The following IFT140 variants were observed in gnomAD, a reference collection of about 807,000 sequenced individuals.
The protein encoded by IFT140 is intraflagellar transport 140, also known as intraflagellar transport protein 140 homolog.
In IFT140, 133 loss-of-function variants were observed where a neutral mutation model predicts 164.6. That is an observed-to-expected ratio of 0.81 (90% CI 0.70 to 0.93). The LOEUF (loss-of-function observed/expected upper bound fraction) is 0.93, where lower values mean the gene tolerates loss of function less well. Ranked by LOEUF, IFT140 falls within the 40% of genes least tolerant of loss-of-function variation. IFT140 has a pLI of 0.00. For missense variants in IFT140, 2,045 were observed against 1,972.3 expected (o/e 1.04, Z -0.70); for synonymous variants, 860 against 817.3 (o/e 1.05, Z -0.89).
intron 13 of IFT140, chr16:1,579,497 T>C (rs2034444052): frequency 6.6e-6 from 1 of 152,250 alleles, no homozygotes; most frequent in Non-Finnish European, 1.5e-5. Flanking sequence ...AGCACCTGGA[T>C]TGCAGACTTC....
In IFT140 at chr16:1,524,931, A is replaced by G; in HGVS notation, c.2865-15T>C. On this transcript the variant is annotated splice_polypyrimidine_tract_variant and intron_variant, in intron 22 of 30. Coordinates refer to ENST00000426508, the MANE Select transcript of IFT140 (RefSeq NM_014714.4). ...GCCACAGGGTCCTGCGGGCAGCCCA[A>G]GACCATGGATTCTCCACCCGAGCCC... The G allele has an allele frequency of 6.3e-7, 1 of 1,596,348 alleles. No homozygotes were observed. The highest frequency in any genetic ancestry group is 1.1e-5 in the South Asian group (1 of 90,710).
At chr16:1,537,268 C>T (rs1162433300) in intron 19 of IFT140, among the ~76,000 whole-genome samples, 4 of 152,266 alleles carry the variant, frequency 2.6e-5, no homozygotes, top group African/African-American at 9.6e-5. Context: ...CTCACGCACA[C>T]CAGGCCACCC....
At chr16:1,537,245 C>T (rs1476206696) in intron 19 of IFT140, among the ~76,000 whole-genome samples, 1 of 151,870 alleles carries the variant, frequency 6.6e-6, no homozygotes. Flanking sequence ...GACAACGCCA[C>T]ACCGCGTGCC....
chr16:1,567,353 A>G (rs1443612294), intron 15 of IFT140, among the ~76,000 whole-genome samples: 1 of 152,210 alleles, frequency 6.6e-6, no homozygotes, highest in Non-Finnish European at 1.5e-5. Flanking sequence ...CTTCACCACG[A>G]GTGCAGACCC....
At chr16:1,535,760 T>A (rs1388695753) in intron 19 of IFT140, among the ~76,000 whole-genome samples, 1 of 152,250 alleles carries the variant, frequency 6.6e-6, no homozygotes, top group Non-Finnish European at 1.5e-5. Context: ...GGCCCTCGGC[T>A]GCACCGCACA....
At chr16:1,556,029 C>T (rs534484919) in intron 19 of IFT140, among the ~76,000 whole-genome samples, 43 of 152,170 alleles carry the variant, frequency 2.8e-4, no homozygotes, top group Non-Finnish European at 5.3e-4. Context: ...TTGCTTGAAT[C>T]CGGGAGGTGG....
Position 1,526,754 on chromosome 16 carries a change from G to C in IFT140, c.2442C>G (p.Thr814=), listed in dbSNP as rs763946139. Residue 814 remains threonine (T), a synonymous_variant, in exon 20 of 31, where the codon ACC becomes ACG. Transcript: ENST00000426508. ...WENMARMCVK[T]QRLDVAKVCL... The stretch of plus-strand genomic sequence containing the variant: ...ACACCTTGGCCACGTCCAGCCGCTG[G>C]GTCTTCACGCACATGCGCGCCATGT... 3.7e-6 allele frequency: 6 copies of C among 1,610,478 alleles called. No homozygotes were observed. Among genetic ancestry groups the C allele is most frequent in the Admixed American group, 3.3e-5 (2 of 59,758 alleles).
chr16:1,518,455 G>T, intron 29 of IFT140, 98 bp from the exon 30 acceptor site: 2 of 1,197,724 alleles, frequency 1.7e-6, no homozygotes, highest in Non-Finnish European at 2.3e-6. Context: ...GGAGCTCTCC[G>T]GAATGGCAGG....
At chr16:1,596,272 C>G (rs2035459559) in intron 4 of IFT140, among the ~76,000 whole-genome samples, 1 of 152,006 alleles carries the variant, frequency 6.6e-6, no homozygotes, top group African/African-American at 2.4e-5. Context: ...TTTATGCACA[C>G]CACATCCTCA....
chr16:1,561,010 C>G (rs970990437), intron 18 of IFT140, among the ~76,000 whole-genome samples: 3 of 152,224 alleles, frequency 2.0e-5, no homozygotes, highest in African/African-American at 7.2e-5. Flanking sequence ...GCTGGTGGCC[C>G]CCTGCCTCCC....
intron 14 of IFT140, 40 bp downstream of exon 14, chr16:1,571,367 T>TA: frequency 6.2e-7 from 1 of 1,600,806 alleles, no homozygotes; most frequent in Non-Finnish European, 8.5e-7. Context: ...CCTGACTGAC[T>TA]AAAAAAATGT....
intron 19 of IFT140, among the ~76,000 whole-genome samples, chr16:1,528,352 CGCACGTGT>C (rs1465513889): frequency 2.3e-5 from 3 of 130,994 alleles, no homozygotes; most frequent in Admixed American, 9.7e-5. Context: ...CACGCATGCA[CGCACGTGT>C]GCACACACAC....
intron 4 of IFT140, among the ~76,000 whole-genome samples, chr16:1,598,390 G>A (rs1320493520): frequency 1.6e-4 from 24 of 152,180 alleles, no homozygotes; most frequent in Admixed American, 1.6e-3. Flanking sequence ...CCTAGGAGGC[G>A]GAGCTTGCAG....
chr16:1,571,292 G>T, intron 14 of IFT140, 115 bp downstream of exon 14: 1 of 911,592 alleles, frequency 1.1e-6, no homozygotes, highest in Non-Finnish European at 1.7e-6. Flanking sequence ...TGGCATGTCG[G>T]TGTTAAAATG....
At chr16:1,579,369 G>GCCAA (rs2034437682) in intron 13 of IFT140, 1 of 152,062 alleles carries the variant, frequency 6.6e-6, no homozygotes, top group African/African-American at 2.4e-5. Context: ...TGTGGTTCAA[G>GCCAA]GTCAAGTGCA....
At position 1,558,089 on chromosome 16, in the gene IFT140, G is replaced by A. The variant is rs776976238; in HGVS notation, c.2245C>T (p.His749Tyr). Residue 749 changes from histidine to tyrosine, a missense_variant, in exon 19 of 31, where the codon CAC becomes TAC. His to Tyr is a moderately conservative substitution (Grantham distance 83). Coordinates refer to ENST00000426508, the MANE Select transcript of IFT140 (RefSeq NM_014714.4). ...REDEVEPGCH[H>Y]IPQMVSRRPL... ...CTCCTGGACACCATCTGAGGGATGT[G>A]GTGGCACCCAGGCTCCACCTCGTCT... 9.3e-6 allele frequency: 15 copies of A among 1,614,158 alleles called. No individual in the cohort carries two copies. Among genetic ancestry groups the A allele is most frequent in the Non-Finnish European group, 1.3e-5 (15 of 1,180,028 alleles).
chr16:1,592,200 A>G lies in IFT140; in HGVS notation c.610T>C (p.Leu204=), dbSNP rs1277029128. Residue 204 remains leucine, a synonymous_variant, in exon 6 of 31, where the codon TTG becomes CTG. Coordinates refer to ENST00000426508, the MANE Select transcript of IFT140 (RefSeq NM_014714.4). ...CCGTCCATCAGACTGACAAAGAACA[A>G]CAGCCCCTCGTGAGACCCCATCTTC... ...LLKMGSHEGL[L]FFVSLMDGTV... is the part of the protein sequence containing the mutation. The G allele has an allele frequency of 1.2e-6, 2 of 1,614,088 alleles. No individual in the cohort carries two copies. The highest frequency in any genetic ancestry group is 1.7e-6 in the Non-Finnish European group (2 of 1,180,048).
In IFT140 at chr16:1,580,592, C is replaced by A. The variant is rs942434437; in HGVS notation, c.1524+167G>T. On this transcript the variant is annotated intron_variant, in intron 13 of 30. Transcript: ENST00000426508. The stretch of plus-strand genomic sequence containing the variant: ...CTGTAAAGCCTGCAGTAATGTGAGT[C>A]AACAAAGCCTCTTTTCTTTATAAAT... 9 of 544,546 alleles carry A rather than the reference C, an allele frequency of 1.7e-5. No homozygotes were observed. In the Admixed American group the frequency reaches 2.3e-4, roughly 14 times the overall value. 33.7% of individuals were successfully genotyped at this position (544,546 alleles called of 1,614,324 possible).
chr16:1,520,849 C>G (rs370098489), intron 26 of IFT140, 41 bp from the exon 27 acceptor site: 2 of 1,568,948 alleles, frequency 1.3e-6, no homozygotes, highest in Non-Finnish European at 1.7e-6. Context: ...CCGAGGGGGC[C>G]GGGAACTGAA....
Sources: gnomAD v4.1 joint callset for allele counts (sites outside exome capture counted in the v4.1 genomes callset) on GRCh38, gnomAD v4.1.1 for gene constraint, MANE v1.5 for transcripts, NCBI Gene and HGNC (gene_info 2026-07-23, HGNC 2026-07-21) for gene names.